The following ZZZ3 variants were observed in gnomAD, a reference collection of about 807,000 sequenced individuals.
ZZZ3 encodes ZZ-type zinc finger-containing protein 3.
Under a neutral mutation model 95.2 loss-of-function variants are expected in ZZZ3, and 22 were observed. That is an observed-to-expected ratio of 0.23 (90% CI 0.17 to 0.33). ZZZ3 has a LOEUF of 0.33. Among genes scored for constraint, ZZZ3 ranks in the 10% least tolerant of loss-of-function variants. The probability of loss-of-function intolerance (pLI) is 1.00; values close to 1 mark genes in which losing one functional copy is unlikely to be tolerated. For synonymous variants in ZZZ3, 335 were observed against 358.9 expected, an observed-to-expected ratio of 0.93 and a Z score of 0.75; for missense variants, 885 against 1,066.5, an observed-to-expected ratio of 0.83 and a Z score of 2.37.
At chr1:77,626,485 A>G (rs530553819) in intron 5 of ZZZ3, among the ~76,000 whole-genome samples, 1 of 152,294 alleles carries the variant, frequency 6.6e-6, no homozygotes, top group East Asian at 1.9e-4. Flanking sequence ...TTAGATTCTC[A>G]TAAGGAGCGT....
chr1:77,607,941 G>A (rs1484328542), intron 5 of ZZZ3, among the ~76,000 whole-genome samples: 2 of 149,918 alleles, frequency 1.3e-5, no homozygotes, highest in African/African-American at 2.4e-5. Context: ...AAAAAAGGAA[G>A]GAGGGAAGGG....
At chr1:77,589,781 A>G (rs990387499) in intron 5 of ZZZ3, among the ~76,000 whole-genome samples, 17 of 152,124 alleles carry the variant, frequency 1.1e-4, no homozygotes, top group Admixed American at 9.8e-4. Flanking sequence ...TTTACTGTCC[A>G]ATTTCTAGGC....
intron 1 of ZZZ3, among the ~76,000 whole-genome samples, chr1:77,656,210 A>G (rs1670255118): frequency 6.6e-6 from 1 of 152,250 alleles, no homozygotes; most frequent in South Asian, 2.1e-4. Context: ...CTTACAAAAA[A>G]TTTTAATTCT....
At chr1:77,627,569 G>A (rs897577441) in intron 5 of ZZZ3, among the ~76,000 whole-genome samples, 1 of 152,116 alleles carries the variant, frequency 6.6e-6, no homozygotes, top group Non-Finnish European at 1.5e-5. Flanking sequence ...TAAGCATGGT[G>A]CAATAAGAAG....
chr1:77,628,966 G>C (rs562762599), intron 5 of ZZZ3, among the ~76,000 whole-genome samples: 98 of 152,278 alleles, frequency 6.4e-4, no homozygotes, highest in African/African-American at 2.3e-3. Context: ...GTGTACAGGA[G>C]GAGAATAAAC....
chr1:77,595,116 T>A (rs1029760392), intron 5 of ZZZ3, among the ~76,000 whole-genome samples: 1 of 151,974 alleles, frequency 6.6e-6, no homozygotes, highest in African/African-American at 2.4e-5. Context: ...GAGGCACATA[T>A]AACCAACATG....
At chr1:77,597,827 A>G (rs1452196562) in intron 5 of ZZZ3, among the ~76,000 whole-genome samples, 1 of 152,106 alleles carries the variant, frequency 6.6e-6, no homozygotes, top group Non-Finnish European at 1.5e-5. Context: ...CTGGAACACA[A>G]AAAGGACATT....
rs6692366 is a variant in ZZZ3, at chr1:77,568,958, T to C, written c.2332-492A>G. On this transcript the variant is annotated intron_variant, in intron 12 of 14. Transcript: ENST00000370801. The stretch of plus-strand genomic sequence containing the variant: ...CCCAATGATCAAAGTAGAACATTTC[T>C]CTCCTACTCAACAAGATGAACTGAG... Among the ~76,000 whole-genome samples, 780 of 152,336 alleles carry C rather than the reference T, an allele frequency of 5.1e-3. 9 individuals are homozygous for C. The highest frequency in any genetic ancestry group is 0.017 in the African/African-American group (725 of 41,564).
intron 1 of ZZZ3, among the ~76,000 whole-genome samples, chr1:77,651,152 GGGA>G (rs1271480954): frequency 6.6e-6 from 1 of 152,142 alleles, no homozygotes; most frequent in African/African-American, 2.4e-5. Flanking sequence ...AGGAGGCTGA[GGGA>G]GGAGAATAGC....
intron 5 of ZZZ3, among the ~76,000 whole-genome samples, chr1:77,607,599 G>T (rs1285965430): frequency 6.6e-6 from 1 of 152,180 alleles, no homozygotes; most frequent in Non-Finnish European, 1.5e-5. Flanking sequence ...ACAGAAGAAA[G>T]AATTAGTGAG....
intron 1 of ZZZ3, among the ~76,000 whole-genome samples, chr1:77,644,617 G>T: frequency 6.6e-6 from 1 of 152,082 alleles, no homozygotes; most frequent in South Asian, 2.1e-4. Context: ...TAATTATTTC[G>T]CCATGAGCAA....
At chr1:77,652,220 ATCTC>A (rs757526714) in intron 1 of ZZZ3, among the ~76,000 whole-genome samples, 10 of 152,318 alleles carry the variant, frequency 6.6e-5, no homozygotes, top group South Asian at 2.1e-4. Flanking sequence ...ATTTGTAATT[ATCTC>A]TCTATCTATA....
intron 1 of ZZZ3, among the ~76,000 whole-genome samples, chr1:77,675,398 C>T (rs1437191528): frequency 6.6e-6 from 1 of 152,112 alleles, no homozygotes; most frequent in Non-Finnish European, 1.5e-5. Flanking sequence ...ATTAGCAACG[C>T]TATTTCCTGG....
intron 5 of ZZZ3, 40 bp downstream of exon 5, chr1:77,631,810 T>TA: frequency 6.9e-7 from 1 of 1,452,590 alleles, no homozygotes; most frequent in East Asian, 2.3e-5. Context: ...TGGGGAATAA[T>TA]AAACAAAGCA....
At chr1:77,566,252 A>C in intron 13 of ZZZ3, 71 bp from the exon 14 acceptor site, 1 of 1,069,730 alleles carries the variant, frequency 9.3e-7, no homozygotes, top group Non-Finnish European at 1.4e-6. Context: ...TCCACAAGGA[A>C]ACACATGATG....
chr1:77,622,032 C>A (rs886515032), intron 5 of ZZZ3, among the ~76,000 whole-genome samples: 3 of 149,838 alleles, frequency 2.0e-5, no homozygotes, highest in South Asian at 2.1e-4. Flanking sequence ...ACTGAAGGGT[C>A]GGGTGTGCTG....
At chr1:77,581,685 T>C in intron 8 of ZZZ3, 91 bp downstream of exon 8, 2 of 1,008,272 alleles carry the variant, frequency 2.0e-6, no homozygotes, top group Non-Finnish European at 2.9e-6. Flanking sequence ...AGTGAAAGAC[T>C]GCTTTAATTT....
intron 1 of ZZZ3, among the ~76,000 whole-genome samples, chr1:77,680,860 CATTA>C (rs1325245835): frequency 1.3e-5 from 2 of 151,954 alleles, no homozygotes; most frequent in Admixed American, 6.6e-5. Flanking sequence ...AGTGATAAAA[CATTA>C]ATTTATTTAA....
chr1:77,670,693 G>A (rs1481946028), intron 1 of ZZZ3, among the ~76,000 whole-genome samples: 1 of 150,426 alleles, frequency 6.6e-6, no homozygotes, highest in Non-Finnish European at 1.5e-5. Flanking sequence ...AGACTTATAT[G>A]AAAGTTATCA....
Sources: gnomAD v4.1 joint callset for allele counts (sites outside exome capture counted in the v4.1 genomes callset) on GRCh38, gnomAD v4.1.1 for gene constraint, MANE v1.5 for transcripts, NCBI Gene and HGNC (gene_info 2026-07-23, HGNC 2026-07-21) for gene names.